ZNF487: variants seen among roughly 807,000 people sequenced by gnomAD.
ZNF487 encodes zinc finger protein 487.
A neutral mutation model predicts 3.0 loss-of-function variants in ZNF487; 4 were observed. The ratio of observed to expected loss-of-function variants is 1.35; its 90% CI spans 0.66 to 3.08. ZNF487 has a LOEUF of 3.08. Ranked by LOEUF, ZNF487 falls within the 30% of genes most tolerant of loss-of-function variation. The pLI is 0.01. For missense variants in ZNF487, 146 were observed against 98.7 expected (o/e 1.48, Z -2.03); for synonymous variants, 55 against 34.6 (o/e 1.59, Z -2.06).
At chr10:43,447,963 G>C (rs1039126859) in intron 1 of ZNF487, among the ~76,000 whole-genome samples, 1 of 146,586 alleles carries the variant, frequency 6.8e-6, no homozygotes, top group South Asian at 2.2e-4. Flanking sequence ...TCTGTTTTCT[G>C]ATGTTCAGGG....
chr10:43,462,643 G>T (rs1181821148), intron 1 of ZNF487, among the ~76,000 whole-genome samples: 1 of 151,234 alleles, frequency 6.6e-6, no homozygotes, highest in Non-Finnish European at 1.5e-5. Context: ...TTTAGTAGAG[G>T]TGGGGTTTCA....
chr10:43,497,966 CA>C, the ZNF487 span, among the ~76,000 whole-genome samples: 7 of 77,102 alleles, frequency 9.1e-5, no homozygotes, highest in African/African-American at 1.1e-4. Flanking sequence ...GACTCCGTCT[CA>C]AAAAAAAAGA....
the ZNF487 span, among the ~76,000 whole-genome samples, chr10:43,513,221 T>G: frequency 3.3e-5 from 5 of 152,246 alleles, no homozygotes; most frequent in Non-Finnish European, 5.9e-5. Flanking sequence ...TGATATACCC[T>G]GGAGGTAGGA....
At chr10:43,473,772 C>T (rs1840992037) in intron 1 of ZNF487, among the ~76,000 whole-genome samples, 1 of 152,078 alleles carries the variant, frequency 6.6e-6, no homozygotes, top group South Asian at 2.1e-4. Context: ...TGCCTGTAAT[C>T]ACAACACTTT....
intron 1 of ZNF487, among the ~76,000 whole-genome samples, chr10:43,466,266 A>C (rs190993947): frequency 6.6e-6 from 1 of 151,378 alleles, no homozygotes; most frequent in African/African-American, 2.4e-5. Flanking sequence ...CTGGTCTCCA[A>C]CTCCTGATCT....
chr10:43,493,604 T>A, the ZNF487 span, among the ~76,000 whole-genome samples: 1 of 148,324 alleles, frequency 6.7e-6, no homozygotes, highest in Non-Finnish European at 1.5e-5. Context: ...AGTGGGAGGA[T>A]CACTTGAGCC....
rs1270378871 is a variant in ZNF487, at chr10:43,467,627, G to A, written c.-93-8094G>A. 5.9e-5 allele frequency among the ~76,000 whole-genome samples: 9 copies of A among 151,810 alleles called. No homozygotes were observed. In the East Asian group the frequency reaches 1.6e-3, roughly 27 times the overall value. ...AGGTCAGGAGTTTGATACCAGCCTG[G>A]CAAACATGGTGAAACCTTGTCTCTA... On this transcript the variant is annotated intron_variant, in intron 1 of 3. Transcript: ENST00000437590.
intron 1 of ZNF487, among the ~76,000 whole-genome samples, chr10:43,468,988 CAAAAAAAAAA>C (rs59076073): frequency 3.3e-5 from 2 of 60,934 alleles, no homozygotes; most frequent in South Asian, 7.4e-4. Context: ...GACTCTATCT[CAAAAAAAAAA>C]AAAAAAAAAA....
rs538694831 is a variant in ZNF487, at chr10:43,465,328, G to A, written c.-93-10393G>A. Among the ~76,000 whole-genome samples, 697 of 149,666 alleles carry A rather than the reference G, an allele frequency of 4.7e-3. 6 individuals are homozygous for A. The highest frequency in any genetic ancestry group is 0.017 in the African/African-American group (672 of 40,684). On this transcript the variant is annotated intron_variant, in intron 1 of 3. Transcript: ENST00000437590. ...CTCCCGGACCGGGTGGCTGCCGGGCGGAGACGCTCCTCACTTCCCAGACGG... is the reference window on the plus strand; with the variant it reads ...CTCCCGGACCGGGTGGCTGCCGGGCAGAGACGCTCCTCACTTCCCAGACGG...
the ZNF487 span, among the ~76,000 whole-genome samples, chr10:43,519,120 T>C: frequency 6.6e-6 from 1 of 152,300 alleles, no homozygotes; most frequent in Admixed American, 6.5e-5. Flanking sequence ...CTTGCTGTGC[T>C]GCCCAGGCTG....
intron 1 of ZNF487, among the ~76,000 whole-genome samples, chr10:43,438,898 T>C (rs866727488): frequency 6.6e-6 from 1 of 151,636 alleles, no homozygotes; most frequent in Middle Eastern, 3.4e-3. Flanking sequence ...CTGAGCAACA[T>C]AGCGAGATCC....
At chr10:43,495,396 G>T in the ZNF487 span, among the ~76,000 whole-genome samples, 1 of 151,734 alleles carries the variant, frequency 6.6e-6, no homozygotes, top group South Asian at 2.1e-4. Flanking sequence ...GGTGTATGCC[G>T]CCACACCCAG....
chr10:43,490,742 T>G, the ZNF487 span, among the ~76,000 whole-genome samples: 2 of 150,048 alleles, frequency 1.3e-5, no homozygotes, highest in African/African-American at 5.0e-5. Context: ...TGGCATGATC[T>G]CGGCTCACCA....
chr10:43,508,546 T>C, the ZNF487 span, among the ~76,000 whole-genome samples: 2 of 150,214 alleles, frequency 1.3e-5, no homozygotes, highest in Non-Finnish European at 3.0e-5. Flanking sequence ...CGGTGGCTCA[T>C]GCCTGTAATC....
chr10:43,460,942 C>T (rs554379819), intron 1 of ZNF487, among the ~76,000 whole-genome samples: 1 of 152,198 alleles, frequency 6.6e-6, no homozygotes, highest in African/African-American at 2.4e-5. Flanking sequence ...TCTAACACCA[C>T]CTTGGTCTCC....
At position 43,482,082 on chromosome 10, in the gene ZNF487, C is replaced by T. The variant is rs1385361014; in HGVS notation, c.*160C>T. On this transcript the variant is annotated 3_prime_UTR_variant, in exon 4 of 4. Coordinates refer to ENST00000437590, the MANE Select transcript of ZNF487 (RefSeq NM_001355444.3). The stretch of plus-strand genomic sequence containing the variant: ...ACCACAGGGTTATGGAGATGAAATA[C>T]TATGAGTGTAATGCGAGTGAGAATA... 1.4e-5 allele frequency: 8 copies of T among 576,846 alleles called. No homozygotes were observed. Among genetic ancestry groups the T allele is most frequent in the Non-Finnish European group, 2.4e-5 (8 of 328,314 alleles). 35.7% of individuals were successfully genotyped at this position (576,846 alleles called of 1,614,324 possible).
the ZNF487 span, among the ~76,000 whole-genome samples, chr10:43,490,204 G>T: frequency 6.6e-6 from 1 of 151,828 alleles, no homozygotes; most frequent in Admixed American, 6.6e-5. Context: ...ACAAAAAGGG[G>T]TAGCCAGTGT....
chr10:43,489,204 A>C, the ZNF487 span, among the ~76,000 whole-genome samples: 1 of 152,082 alleles, frequency 6.6e-6, no homozygotes, highest in Non-Finnish European at 1.5e-5. Flanking sequence ...GGCTGGGTGC[A>C]GTGGCTCATG....
At chr10:43,518,800 C>G in the ZNF487 span, among the ~76,000 whole-genome samples, 1 of 152,188 alleles carries the variant, frequency 6.6e-6, no homozygotes, top group Non-Finnish European at 1.5e-5. Flanking sequence ...ATTCACAACT[C>G]TCTTATACAT....
Sources: gnomAD v4.1 joint callset for allele counts (sites outside exome capture counted in the v4.1 genomes callset) on GRCh38, gnomAD v4.1.1 for gene constraint, MANE v1.5 for transcripts, NCBI Gene and HGNC (gene_info 2026-07-23, HGNC 2026-07-21) for gene names.